DDAH1: variants seen among roughly 807,000 people sequenced by gnomAD.
DDAH1 encodes dimethylarginine dimethylaminohydrolase 1.
In DDAH1, 19 loss-of-function variants were observed where a neutral mutation model predicts 28.8. That is an observed-to-expected ratio of 0.66 (90% confidence interval 0.46 to 0.97). The LOEUF (loss-of-function observed/expected upper bound fraction) is 0.97, where lower values mean the gene tolerates loss of function less well. Among genes scored for constraint, DDAH1 ranks in the 50% least tolerant of loss-of-function variants. DDAH1 has a pLI of 0.00. For synonymous variants in DDAH1, 153 were observed against 154.4 expected, an observed-to-expected ratio of 0.99 and a Z score of 0.07; for missense variants, 326 against 375.9, an observed-to-expected ratio of 0.87 and a Z score of 1.10.
chr1:85,512,857 C>T (rs908959528), intron 1 of DDAH1, among the ~76,000 whole-genome samples: 3 of 151,988 alleles, frequency 2.0e-5, no homozygotes, highest in Admixed American at 6.6e-5. Flanking sequence ...AAGAGGACAC[C>T]AACAAATGGA....
At chr1:85,446,717 C>T (rs1654442417) in intron 1 of DDAH1, among the ~76,000 whole-genome samples, 1 of 152,096 alleles carries the variant, frequency 6.6e-6, no homozygotes, top group African/African-American at 2.4e-5. Flanking sequence ...AATTCTCCTG[C>T]CACCCCTCCC....
chr1:85,502,549 C>T (rs7552549), intron 1 of DDAH1, among the ~76,000 whole-genome samples: 10,617 of 152,168 alleles, frequency 0.07, 559 homozygotes, highest in African/African-American at 0.15. Flanking sequence ...GCCATCATTG[C>T]CCCCTTCTCA....
intron 1 of DDAH1, among the ~76,000 whole-genome samples, chr1:85,416,694 G>GTCTTGCTCTGTTGCCCAGGCTGGA (rs1163079474): frequency 2.0e-5 from 3 of 152,042 alleles, no homozygotes; most frequent in Non-Finnish European, 4.4e-5. Flanking sequence ...TTGAAACAGG[G>GTCTTGCTCTGTTGCCCAGGCTGGA]TCTTGCTCTG....
chr1:85,468,693 T>C (rs1042927425), upstream of DDAH1, among the ~76,000 whole-genome samples: 2 of 152,134 alleles, frequency 1.3e-5, no homozygotes, highest in Admixed American at 1.3e-4. Context: ...CTAATTTTTG[T>C]ATTTTTAGTA....
At chr1:85,388,474 G>A (rs1201361633) in intron 1 of DDAH1, among the ~76,000 whole-genome samples, 1 of 152,102 alleles carries the variant, frequency 6.6e-6, no homozygotes, top group Admixed American at 6.5e-5. Context: ...ATAATTGTAA[G>A]CCTTGTTCAC....
At chr1:85,369,615 A>G (rs1650271590) in intron 1 of DDAH1, among the ~76,000 whole-genome samples, 1 of 152,194 alleles carries the variant, frequency 6.6e-6, no homozygotes, top group East Asian at 1.9e-4. Context: ...TTAGTCATTC[A>G]ACAAACATTT....
intron 1 of DDAH1, among the ~76,000 whole-genome samples, chr1:85,393,195 G>A (rs1651642477): frequency 6.6e-6 from 1 of 152,152 alleles, no homozygotes; most frequent in African/African-American, 2.4e-5. Flanking sequence ...TGTACACTAT[G>A]TATCATCTTT....
At chr1:85,484,404 G>A (rs1239889163) in intron 2 of DDAH1, among the ~76,000 whole-genome samples, 6 of 152,056 alleles carry the variant, frequency 3.9e-5, no homozygotes, top group South Asian at 2.1e-4. Flanking sequence ...ACAGATAAGC[G>A]GTTTTAGGGG....
chr1:85,403,570 AC>A, intron 1 of DDAH1, among the ~76,000 whole-genome samples: 1 of 152,262 alleles, frequency 6.6e-6, no homozygotes, highest in Admixed American at 6.5e-5. Context: ...CTATTTTTCA[AC>A]CCCCAAATTG....
At chr1:85,542,809 TA>T (rs1272960108) in intron 1 of DDAH1, among the ~76,000 whole-genome samples, 1 of 152,244 alleles carries the variant, frequency 6.6e-6, no homozygotes, top group African/African-American at 2.4e-5. Flanking sequence ...CACAGGTTTT[TA>T]AACCACATCA....
At chr1:85,403,289 G>C (rs781348799) in intron 1 of DDAH1, among the ~76,000 whole-genome samples, 10 of 151,458 alleles carry the variant, frequency 6.6e-5, no homozygotes, top group Non-Finnish European at 1.5e-4. Context: ...ACATATATGT[G>C]TATGTATATA....
rs1655272019 is a variant in DDAH1 at position 85,464,685 on chromosome 1, C to T, written c.303+58G>A. The T allele has an allele frequency of 5.6e-6, 8 of 1,428,172 alleles. No homozygotes were observed. The East Asian group carries it at 1.9e-4, about 34-fold the overall frequency. 88.5% of individuals were successfully genotyped at this position (1,428,172 alleles called of 1,614,324 possible). ...GCGACTCCCCAGGCAACACGGCGGC[C>T]GGCGGCGGGGGAGGGCCTGGCGCGC... is the stretch of plus-strand genomic sequence containing the variant. On this transcript the variant is annotated intron_variant, in intron 1 of 5. Transcript: ENST00000284031. This position sits in a 1 kb window ranked among gnomAD's most constrained non-coding sequence, Gnocchi z 4.4.
chr1:85,477,675 T>C (rs527564495), intron 2 of DDAH1, among the ~76,000 whole-genome samples: 188 of 151,966 alleles, frequency 1.2e-3, no homozygotes, highest in East Asian at 0.011. Context: ...CTACTATATA[T>C]AGAAATATAT....
intron 1 of DDAH1, among the ~76,000 whole-genome samples, chr1:85,408,249 ACTT>A (rs749798714): frequency 4.8e-4 from 73 of 150,988 alleles, no homozygotes; most frequent in Admixed American, 2.1e-3. Context: ...TGTCTGCTTT[ACTT>A]CTTCTTCCTC....
chr1:85,487,912 A>C (rs1020440024), intron 2 of DDAH1, among the ~76,000 whole-genome samples: 3 of 152,114 alleles, frequency 2.0e-5, no homozygotes, highest in African/African-American at 7.2e-5. Context: ...GGCTAGATGC[A>C]GTGGTTTACA....
intron 1 of DDAH1, among the ~76,000 whole-genome samples, chr1:85,500,004 T>C (rs969611363): frequency 1.3e-5 from 2 of 152,186 alleles, no homozygotes; most frequent in Non-Finnish European, 2.9e-5. Flanking sequence ...TTGATACATT[T>C]GGTTTTTGCT....
At chr1:85,491,047 T>C (rs910450746) in intron 2 of DDAH1, among the ~76,000 whole-genome samples, 2 of 5,504 alleles carry the variant, frequency 3.6e-4, no homozygotes, top group Admixed American at 6.4e-3. Flanking sequence ...ACATGTATTC[T>C]TTTTTTTTTT....
intron 1 of DDAH1, among the ~76,000 whole-genome samples, chr1:85,374,149 A>G (rs896435539): frequency 1.3e-4 from 20 of 152,220 alleles, no homozygotes; most frequent in African/African-American, 4.3e-4. Context: ...CTGTATTACC[A>G]GAGTCTTTTT....
intron 1 of DDAH1, among the ~76,000 whole-genome samples, chr1:85,458,897 G>C (rs1464388831): frequency 1.3e-5 from 2 of 152,030 alleles, no homozygotes; most frequent in Non-Finnish European, 2.9e-5. Flanking sequence ...GTACTCCCTT[G>C]ATAAGCAGGA....
Sources: gnomAD v4.1 joint callset for allele counts (sites outside exome capture counted in the v4.1 genomes callset) on GRCh38, gnomAD v4.1.1 for gene constraint, Gnocchi (gnomAD v3.1) non-coding constraint, MANE v1.5 for transcripts, NCBI Gene and HGNC (gene_info 2026-07-23, HGNC 2026-07-21) for gene names.